SNX13: variants seen among roughly 807,000 people sequenced by gnomAD.
SNX13 encodes sorting nexin-13.
Under a neutral mutation model 133.6 loss-of-function variants are expected in SNX13, and 45 were observed. That is an observed-to-expected ratio of 0.34 (90% CI 0.27 to 0.43). The LOEUF is 0.43. Ranked by LOEUF, SNX13 falls within the 20% of genes least tolerant of loss-of-function variation. The pLI, the probability that SNX13 is intolerant of heterozygous loss-of-function variation, is 1.00. For missense variants in SNX13, 1,032 were observed against 1,145.1 expected (o/e 0.90, Z 1.43); for synonymous variants, 414 against 373.9 (o/e 1.11, Z -1.24).
At chr7:17,878,624 G>A (rs964815474) in intron 5 of SNX13, among the ~76,000 whole-genome samples, 4 of 152,018 alleles carry the variant, frequency 2.6e-5, no homozygotes, top group African/African-American at 4.8e-5. Flanking sequence ...ACATCCACTC[G>A]TTTCCCTTGC....
In SNX13 at chr7:17,809,282, C is replaced by CAA. The variant is rs535077123; in HGVS notation, c.2064+5550_2064+5551dup. On this transcript the variant is annotated intron_variant, in intron 20 of 25. Transcript: ENST00000428135. ...GAATATTTACCAAGTAGATGGAAAG[C>CAA]AAAAAAAAAAAAAAAAAAAAAAAAA... is the stretch of plus-strand genomic sequence containing the variant. Among the ~76,000 whole-genome samples the CAA allele has an allele frequency of 8.6e-3, 424 of 49,332 alleles. 4 individuals carry two copies. Among genetic ancestry groups the CAA allele is most frequent in the African/African-American group, 0.011 (130 of 12,302 alleles). 32.4% of individuals were successfully genotyped at this position (49,332 alleles called of 152,430 possible).
chr7:17,793,863 C>T lies in SNX13; in HGVS notation c.*182G>A, dbSNP rs1783777194. The T allele has an allele frequency of 4.8e-6, 3 of 618,866 alleles. No individual in the cohort carries two copies. The highest frequency in any genetic ancestry group is 7.7e-6 in the Non-Finnish European group (3 of 388,578). 38.3% of individuals were successfully genotyped at this position (618,866 alleles called of 1,614,324 possible). The stretch of plus-strand genomic sequence containing the variant: ...AATCATTTAAGACACAGAAATCTCT[C>T]TTGGTAGTGGTGGATTATAGATGAG... On this transcript the variant is annotated 3_prime_UTR_variant, in exon 26 of 26. Coordinates refer to ENST00000428135, the MANE Select transcript of SNX13 (RefSeq NM_015132.5).
intron 5 of SNX13, chr7:17,888,131 A>C (rs777208346): frequency 1.3e-5 from 2 of 152,182 alleles, no homozygotes; most frequent in African/African-American, 2.4e-5. Flanking sequence ...ATTAACAGAG[A>C]AGGAACAAAC....
chr7:17,906,249 G>T (rs1432753751), intron 1 of SNX13, among the ~76,000 whole-genome samples: 4 of 152,034 alleles, frequency 2.6e-5, no homozygotes, highest in Admixed American at 6.6e-5. Flanking sequence ...GAAAAAAAAT[G>T]TAAAAGTCAC....
intron 5 of SNX13, chr7:17,882,669 G>C: frequency 2.6e-6 from 1 of 382,766 alleles, no homozygotes; most frequent in Non-Finnish European, 3.9e-6. Context: ...GAGTGTGATG[G>C]AGTATGTTAG....
intron 12 of SNX13, among the ~76,000 whole-genome samples, chr7:17,842,532 T>G (rs1196107534): frequency 6.6e-6 from 1 of 151,950 alleles, no homozygotes; most frequent in African/African-American, 2.4e-5. Flanking sequence ...AATATCTCAG[T>G]AAAAATAAAA....
chr7:17,901,494 G>T (rs890852735), intron 1 of SNX13, among the ~76,000 whole-genome samples: 9 of 152,126 alleles, frequency 5.9e-5, no homozygotes, highest in African/African-American at 1.9e-4. Context: ...CCACTGGGAT[G>T]GGCAATTCCC....
At chr7:17,893,296 G>T in intron 3 of SNX13, 36 bp downstream of exon 3, 1 of 1,375,916 alleles carries the variant, frequency 7.3e-7, no homozygotes, top group African/African-American at 1.4e-5. Context: ...GCAAAGAACT[G>T]GACTTTGAGG....
At chr7:17,809,549 TAGAC>T (rs1316171435) in intron 20 of SNX13, among the ~76,000 whole-genome samples, 2 of 152,124 alleles carry the variant, frequency 1.3e-5, no homozygotes, top group East Asian at 1.9e-4. Context: ...CTGTCAATAT[TAGAC>T]AGATCAATGA....
chr7:17,875,652 T>C lies in SNX13; in HGVS notation c.562+17A>G, dbSNP rs764057782. On this transcript the variant is annotated intron_variant, in intron 6 of 25. Transcript: ENST00000428135. ...AGATTTTCAAATCCTAGTTTTCAAA[T>C]GGAATAAAGATATTACCTTTCACTT... 3.7e-6 allele frequency: 6 copies of C among 1,605,944 alleles called. No individual in the cohort carries two copies. Among genetic ancestry groups the C allele is most frequent in the South Asian group, 1.1e-5 (1 of 89,566 alleles).
chr7:17,822,130 C>T (rs899646996), intron 17 of SNX13, among the ~76,000 whole-genome samples: 1 of 152,090 alleles, frequency 6.6e-6, no homozygotes, highest in Non-Finnish European at 1.5e-5. Context: ...CACGGGATAA[C>T]ATTTATCTTC....
chr7:17,905,394 T>C lies in SNX13; in HGVS notation c.13-7948A>G, dbSNP rs1486336767. Among the ~76,000 whole-genome samples the C allele has an allele frequency of 5.3e-5, 8 of 152,332 alleles. No homozygotes were observed. The East Asian group carries it at 1.4e-3, about 26-fold the overall frequency. ...AGAAGCTAAAAAGGTAAAATATACA[T>C]GTAATGATAACATAAGTGTAGTAAA... On this transcript the variant is annotated intron_variant, in intron 1 of 25. Transcript: ENST00000428135.
chr7:17,875,898 TTTAAA>T (rs1276740315), intron 5 of SNX13, 108 bp from the exon 6 acceptor site: 1 of 916,350 alleles, frequency 1.1e-6, no homozygotes, highest in Non-Finnish European at 1.6e-6. Flanking sequence ...AGACTGTAAA[TTTAAA>T]TTGAGATTTT....
At chr7:17,845,883 A>T (rs1000018529) in intron 11 of SNX13, among the ~76,000 whole-genome samples, 189 bp from the exon 12 acceptor site, 1 of 152,202 alleles carries the variant, frequency 6.6e-6, no homozygotes, top group Non-Finnish European at 1.5e-5. Context: ...GTTGCTTAGC[A>T]AATTAAAAAT....
chr7:17,848,656 C>T (rs1790832077), intron 11 of SNX13, among the ~76,000 whole-genome samples: 1 of 152,196 alleles, frequency 6.6e-6, no homozygotes, highest in Non-Finnish European at 1.5e-5. Context: ...CCTGGGTGCT[C>T]CCTCTCGCGA....
intron 20 of SNX13, among the ~76,000 whole-genome samples, chr7:17,810,681 T>C (rs1785901099): frequency 6.6e-6 from 1 of 152,144 alleles, no homozygotes. Context: ...TACCAAAACC[T>C]GTCAGAGACA....
rs184798094 is a variant in SNX13 at position 17,810,124 on chromosome 7, C to T, written c.2064+4710G>A. On this transcript the variant is annotated intron_variant, in intron 20 of 25. Coordinates refer to ENST00000428135, the MANE Select transcript of SNX13 (RefSeq NM_015132.5). The stretch of plus-strand genomic sequence containing the variant: ...AGACAAGAAATAACTAAGATCAGAG[C>T]AGAACTGAAGGAGATAGAGACACGA... Among the ~76,000 whole-genome samples the T allele has an allele frequency of 2.6e-5, 4 of 151,980 alleles. No individual in the cohort carries two copies. The East Asian group carries it at 7.7e-4, about 29-fold the overall frequency.
intron 13 of SNX13, among the ~76,000 whole-genome samples, chr7:17,838,260 T>A (rs1789389934): frequency 1.3e-5 from 2 of 151,974 alleles, no homozygotes; most frequent in Non-Finnish European, 2.9e-5. Context: ...TTGTTTAATT[T>A]GTTGTCATAA....
At chr7:17,930,540 T>C (rs920105384) in intron 1 of SNX13, among the ~76,000 whole-genome samples, 1 of 152,242 alleles carries the variant, frequency 6.6e-6, no homozygotes, top group African/African-American at 2.4e-5. Flanking sequence ...GCTGCTGTTA[T>C]TAATTTCTGG....
Sources: allele counts gnomAD v4.1 joint callset (sites outside exome capture counted in the v4.1 genomes callset), GRCh38; gene constraint gnomAD v4.1.1; transcripts MANE v1.5; gene names NCBI Gene and HGNC (gene_info 2026-07-23, HGNC 2026-07-21).